The following MMP16 variants were observed in gnomAD, a reference collection of about 807,000 sequenced individuals.
The protein encoded by MMP16 is matrix metalloproteinase-16.
In MMP16, 12 loss-of-function variants were observed where a neutral mutation model predicts 67.8. The observed-to-expected ratio is 0.18, with a 90% CI of 0.11 to 0.29. The LOEUF is 0.29. Among genes scored for constraint, MMP16 ranks in the 10% least tolerant of loss-of-function variants. MMP16 has a pLI of 1.00. For missense variants in MMP16, 475 were observed against 765.7 expected, an observed-to-expected ratio of 0.62 and a Z score of 4.48; for synonymous variants, 249 against 255.9, an observed-to-expected ratio of 0.97 and a Z score of 0.26.
At chr8:88,053,948 G>A (rs537737711) in intron 8 of MMP16, among the ~76,000 whole-genome samples, 19 of 152,082 alleles carry the variant, frequency 1.2e-4, no homozygotes, top group African/African-American at 4.3e-4. Context: ...TTTCAAGCGG[G>A]GAGTAAATGA....
intron 6 of MMP16, among the ~76,000 whole-genome samples, chr8:88,106,734 C>T (rs1809248776): frequency 6.6e-6 from 1 of 151,006 alleles, no homozygotes; most frequent in Non-Finnish European, 1.5e-5. Flanking sequence ...ACTTATTATT[C>T]CTTAAAATGC....
In MMP16 at chr8:88,122,830, G is replaced by A. The variant is rs187990167; in HGVS notation, c.710-3969C>T. ...TGCCACAGCAAAATATGGCAGAAGT[G>A]ATGGTATTTGACTTCTAAGGCGAGG... is the stretch of plus-strand genomic sequence containing the variant. On this transcript the variant is annotated intron_variant, in intron 4 of 9. Transcript: ENST00000286614. 2.8e-3 allele frequency among the ~76,000 whole-genome samples: 431 copies of A among 151,490 alleles called. 5 individuals are homozygous for A. The highest frequency in any genetic ancestry group is 9.8e-3 in the African/African-American group (406 of 41,312).
chr8:88,035,745 C>T lies in MMP16; in HGVS notation c.*5716G>A, dbSNP rs925304250. On this transcript the variant is annotated 3_prime_UTR_variant, in exon 10 of 10. Transcript: ENST00000286614. This position sits in a 1 kb window ranked among gnomAD's most constrained non-coding sequence, Gnocchi z 4.7. Reference sequence around the variant, plus strand: ...TATGTACTTCTGTATTCTACTCAAACATTGACAGGAATTTTACAATATGTG... The same window carrying T: ...TATGTACTTCTGTATTCTACTCAAATATTGACAGGAATTTTACAATATGTG... 6.6e-6 allele frequency: 1 copy of T among 151,992 alleles called. No individual in the cohort carries two copies. The highest frequency in any genetic ancestry group is 1.5e-5 in the Non-Finnish European group (1 of 67,918). 9.4% of individuals were successfully genotyped at this position (151,992 alleles called of 1,614,324 possible).
chr8:88,066,692 T>TA (rs1808467730), intron 7 of MMP16, among the ~76,000 whole-genome samples: 2 of 151,828 alleles, frequency 1.3e-5, no homozygotes, highest in Admixed American at 6.6e-5. Flanking sequence ...CTGGCTTCTT[T>TA]AAAAAAACAA....
At chr8:88,157,442 G>T (rs1237040619) in intron 4 of MMP16, among the ~76,000 whole-genome samples, 4 of 151,822 alleles carry the variant, frequency 2.6e-5, no homozygotes, top group Non-Finnish European at 1.5e-5. Context: ...GTTCCCCAAA[G>T]ATACCAGGGG....
chr8:88,045,327 T>A (rs528181467), intron 9 of MMP16, among the ~76,000 whole-genome samples: 1 of 152,158 alleles, frequency 6.6e-6, no homozygotes, highest in South Asian at 2.1e-4. Flanking sequence ...TATACTAGTA[T>A]AGAGTTTTCT....
intron 1 of MMP16, among the ~76,000 whole-genome samples, chr8:88,315,483 G>A (rs574337690): frequency 7.9e-5 from 12 of 152,240 alleles, no homozygotes; most frequent in Non-Finnish European, 1.3e-4. Context: ...TAAGGTTCCA[G>A]GATTTAAAAA....
chr8:88,077,937 C>T (rs1347313075), intron 6 of MMP16, among the ~76,000 whole-genome samples: 1 of 152,108 alleles, frequency 6.6e-6, no homozygotes, highest in African/African-American at 2.4e-5. Context: ...TTCTAAACAA[C>T]ATAAGTTTGG....
In MMP16 at chr8:88,224,118, T is replaced by C. The variant is rs73288995; in HGVS notation, c.133-26812A>G. ...TGAGGAAGGTACTTCTGTATTATGA[T>C]CTGAACATATAAAACAGTTTCAAAA... On this transcript the variant is annotated intron_variant, in intron 1 of 9. Transcript: ENST00000286614. Among the ~76,000 whole-genome samples the C allele has an allele frequency of 2.7e-3, 415 of 152,150 alleles. 4 individuals are homozygous for C. Among genetic ancestry groups the C allele is most frequent in the African/African-American group, 9.3e-3 (386 of 41,526 alleles).
intron 1 of MMP16, among the ~76,000 whole-genome samples, chr8:88,313,722 C>T (rs1370881952): frequency 6.6e-6 from 1 of 152,134 alleles, no homozygotes; most frequent in Non-Finnish European, 1.5e-5. Flanking sequence ...ATACCCAAGA[C>T]TGGGCAATTT....
chr8:88,258,334 G>C (rs1393258670), intron 1 of MMP16, among the ~76,000 whole-genome samples: 1 of 152,162 alleles, frequency 6.6e-6, no homozygotes, highest in East Asian at 1.9e-4. Context: ...CTTAAGATCA[G>C]TGGCTAAAAT....
chr8:88,240,160 T>C (rs149617223), intron 1 of MMP16, among the ~76,000 whole-genome samples: 1 of 152,322 alleles, frequency 6.6e-6, no homozygotes, highest in African/African-American at 2.4e-5. Flanking sequence ...TGCACGGACA[T>C]GAACCCTTTC....
At chr8:88,263,985 AGAGT>A (rs1157206991) in intron 1 of MMP16, among the ~76,000 whole-genome samples, 14 of 105,148 alleles carry the variant, frequency 1.3e-4, no homozygotes, top group East Asian at 8.0e-4. Flanking sequence ...AGAGAGAGAG[AGAGT>A]GTGTGTGTGT....
chr8:88,293,054 C>G (rs1419991788), intron 1 of MMP16, among the ~76,000 whole-genome samples: 4 of 152,112 alleles, frequency 2.6e-5, no homozygotes, highest in Non-Finnish European at 5.9e-5. Context: ...GCAATGAACA[C>G]AGATGTGAAA....
intron 1 of MMP16, among the ~76,000 whole-genome samples, chr8:88,228,842 C>T (rs909171207): frequency 1.3e-5 from 2 of 151,950 alleles, no homozygotes; most frequent in South Asian, 4.1e-4. Context: ...AAAAGCAACA[C>T]TTTAATAGTA....
At chr8:88,313,761 A>G (rs773683237) in intron 1 of MMP16, among the ~76,000 whole-genome samples, 9 of 152,160 alleles carry the variant, frequency 5.9e-5, no homozygotes, top group Non-Finnish European at 1.3e-4. Flanking sequence ...ATGGACTCAC[A>G]GTTCCACATG....
chr8:88,166,332 T>C (rs1482736509), intron 4 of MMP16, among the ~76,000 whole-genome samples: 3 of 151,972 alleles, frequency 2.0e-5, no homozygotes, highest in Non-Finnish European at 4.4e-5. Flanking sequence ...CAATAAAAAC[T>C]GGGGATATGG....
intron 1 of MMP16, among the ~76,000 whole-genome samples, chr8:88,317,073 C>T (rs1054057145): frequency 1.3e-5 from 2 of 152,230 alleles, no homozygotes; most frequent in South Asian, 2.1e-4. Context: ...ATCTACTCCT[C>T]GTGAAGAAGC....
chr8:88,089,912 C>G (rs1463825369), intron 6 of MMP16, among the ~76,000 whole-genome samples: 1 of 151,852 alleles, frequency 6.6e-6, no homozygotes, highest in African/African-American at 2.4e-5. Flanking sequence ...GATCATGAAA[C>G]ACATTTATAT....
Sources: allele counts gnomAD v4.1 joint callset (sites outside exome capture counted in the v4.1 genomes callset), GRCh38; gene constraint gnomAD v4.1.1; non-coding constraint Gnocchi (gnomAD v3.1); transcripts MANE v1.5; gene names NCBI Gene and HGNC (gene_info 2026-07-23, HGNC 2026-07-21).